The following KANK1 variants were observed in gnomAD, a reference collection of about 807,000 sequenced individuals.
KANK1 encodes KN motif and ankyrin repeat domain-containing protein 1.
In KANK1, 109 loss-of-function variants were observed where a neutral mutation model predicts 106.2. That is an observed-to-expected ratio of 1.03 (90% CI 0.88 to 1.20). The LOEUF is 1.20. Among genes scored for constraint, KANK1 ranks in the 50% most tolerant of loss-of-function variants. The probability of loss-of-function intolerance (pLI) is 0.00; values close to 1 mark genes in which losing one functional copy is unlikely to be tolerated. For synonymous variants in KANK1, 873 were observed against 652.2 expected (o/e 1.34, Z -5.16); for missense variants, 2,399 against 1,710.7 (o/e 1.40, Z -7.10).
At chr9:740,330 T>C (rs1168762784) in intron 8 of KANK1, among the ~76,000 whole-genome samples, 1 of 152,174 alleles carries the variant, frequency 6.6e-6, no homozygotes, top group Non-Finnish European at 1.5e-5. Flanking sequence ...ATTCAGAGTC[T>C]CAGAATGAGT....
intron 1 of KANK1, among the ~76,000 whole-genome samples, chr9:544,579 A>G (rs1563745165): frequency 6.6e-6 from 1 of 152,204 alleles, no homozygotes; most frequent in Non-Finnish European, 1.5e-5. Flanking sequence ...AGGACGTAAC[A>G]TATTTCGCTG....
intron 1 of KANK1, among the ~76,000 whole-genome samples, chr9:593,847 G>C (rs1825583570): frequency 6.6e-6 from 1 of 151,882 alleles, no homozygotes. Context: ...GACTTCTAGG[G>C]AATGGGATGG....
At chr9:575,510 A>G (rs905449661) in intron 1 of KANK1, among the ~76,000 whole-genome samples, 68 of 11,204 alleles carry the variant, frequency 6.1e-3, no homozygotes, top group Middle Eastern at 0.028. Flanking sequence ...TCTACAGGGA[A>G]AAAAAAAAAA....
At chr9:576,759 T>C (rs542035017) in intron 1 of KANK1, among the ~76,000 whole-genome samples, 2 of 150,172 alleles carry the variant, frequency 1.3e-5, no homozygotes, top group South Asian at 4.2e-4. Flanking sequence ...GGAGGGACCT[T>C]GTTTTTTTTT....
At chr9:614,776 T>C (rs1166681003) in intron 1 of KANK1, among the ~76,000 whole-genome samples, 1 of 152,194 alleles carries the variant, frequency 6.6e-6, no homozygotes, top group Non-Finnish European at 1.5e-5. Context: ...TTAGTGAACA[T>C]GATCTTTTAA....
intron 1 of KANK1, among the ~76,000 whole-genome samples, chr9:556,224 T>A (rs903405613): frequency 6.6e-6 from 1 of 152,248 alleles, no homozygotes; most frequent in African/African-American, 2.4e-5. Context: ...GTGAGAAGTA[T>A]TAGAATTTAT....
intron 7 of KANK1, among the ~76,000 whole-genome samples, chr9:735,304 G>A (rs552497031): frequency 1.3e-5 from 2 of 152,040 alleles, no homozygotes; most frequent in African/African-American, 4.8e-5. Context: ...GAATGCAGGC[G>A]GCCACTATTT....
chr9:735,088 C>T lies in KANK1; in HGVS notation c.3333+253C>T, dbSNP rs186019728. On this transcript the variant is annotated intron_variant, in intron 7 of 11. Coordinates refer to ENST00000382297, the MANE Select transcript of KANK1 (RefSeq NM_015158.5). The stretch of plus-strand genomic sequence containing the variant: ...TCCTGGGGTGGAGGCATCTGTGAGG[C>T]GTACACTTGCAGACAGAAAGCAGGG... Among the ~76,000 whole-genome samples the T allele has an allele frequency of 3.3e-5, 5 of 152,292 alleles. No homozygotes were observed. The East Asian group carries it at 5.8e-4, about 18-fold the overall frequency.
chr9:688,477 G>T (rs115012862), intron 2 of KANK1, among the ~76,000 whole-genome samples: 1 of 152,024 alleles, frequency 6.6e-6, no homozygotes, highest in Non-Finnish European at 1.5e-5. Flanking sequence ...GTCGCAGCGG[G>T]CACCTGTAAT....
intron 1 of KANK1, among the ~76,000 whole-genome samples, chr9:578,039 A>G (rs1275799794): frequency 6.6e-6 from 1 of 152,120 alleles, no homozygotes; most frequent in Non-Finnish European, 1.5e-5. Context: ...GGTCACCCCT[A>G]GATGTGATCA....
At chr9:730,644 G>A (rs1831979576) in intron 4 of KANK1, 1 of 268,522 alleles carries the variant, frequency 3.7e-6, no homozygotes, top group Non-Finnish European at 7.2e-6. Flanking sequence ...AGTGAGCTGA[G>A]ATCACGCCAC....
At chr9:640,043 A>G (rs2137104858) in intron 1 of KANK1, among the ~76,000 whole-genome samples, 1 of 152,270 alleles carries the variant, frequency 6.6e-6, no homozygotes, top group East Asian at 1.9e-4. Flanking sequence ...AAACATTGAG[A>G]ACCATAGCAG....
chr9:732,150 G>A, intron 5 of KANK1: 1 of 436,988 alleles, frequency 2.3e-6, no homozygotes, highest in Non-Finnish European at 4.1e-6. Flanking sequence ...TCTTTAACAA[G>A]TGTTACATGA....
intron 3 of KANK1, among the ~76,000 whole-genome samples, chr9:497,426 C>G (rs1473746752): frequency 7.2e-6 from 1 of 138,726 alleles, no homozygotes; most frequent in East Asian, 1.9e-4. Context: ...ATGCATGTGA[C>G]TCTTCACACA....
intron 1 of KANK1, among the ~76,000 whole-genome samples, chr9:609,397 G>A (rs888625312): frequency 3.9e-5 from 6 of 152,168 alleles, no homozygotes; most frequent in Admixed American, 1.3e-4. Context: ...GGAGGCCGAG[G>A]AGGGCGGATC....
intron 8 of KANK1, among the ~76,000 whole-genome samples, chr9:739,283 AGAG>A (rs1450901093): frequency 6.6e-6 from 1 of 152,224 alleles, no homozygotes; most frequent in Non-Finnish European, 1.5e-5. Context: ...AGTATGTGAC[AGAG>A]AAGTCAGAGT....
At chr9:710,156 A>G (rs1027741161) in intron 2 of KANK1, among the ~76,000 whole-genome samples, 1 of 152,172 alleles carries the variant, frequency 6.6e-6, no homozygotes, top group East Asian at 1.9e-4. Context: ...TCATCATTAC[A>G]CAATATATCC....
intron 7 of KANK1, among the ~76,000 whole-genome samples, chr9:736,646 T>C (rs895635449): frequency 1.3e-5 from 2 of 151,024 alleles, no homozygotes; most frequent in Non-Finnish European, 2.9e-5. Context: ...GCTGCAGTGC[T>C]CCATCATCAT....
At chr9:670,109 A>G (rs756693705) in intron 1 of KANK1, among the ~76,000 whole-genome samples, 1 of 152,044 alleles carries the variant, frequency 6.6e-6, no homozygotes, top group African/African-American at 2.4e-5. Context: ...AATTCCTCTG[A>G]TAAGTTTCTG....
Sources: allele counts gnomAD v4.1 joint callset (sites outside exome capture counted in the v4.1 genomes callset), GRCh38; gene constraint gnomAD v4.1.1; transcripts MANE v1.5; gene names NCBI Gene and HGNC (gene_info 2026-07-23, HGNC 2026-07-21).